THSD7B: variants seen among roughly 807,000 people sequenced by gnomAD.
The protein encoded by THSD7B is thrombospondin type 1 domain containing 7B.
In THSD7B, 138 loss-of-function variants were observed where a neutral mutation model predicts 213.6. That is an observed-to-expected ratio of 0.65 (90% CI 0.56 to 0.74). THSD7B has a LOEUF of 0.74. THSD7B is among the 30% of genes least tolerant of loss of function. THSD7B has a pLI of 0.00. For synonymous variants in THSD7B, 742 were observed against 687.0 expected (o/e 1.08, Z -1.25); for missense variants, 1,931 against 1,991.5 (o/e 0.97, Z 0.58).
At chr2:137,132,993 A>G (rs552917601) in intron 5 of THSD7B, among the ~76,000 whole-genome samples, 1 of 152,142 alleles carries the variant, frequency 6.6e-6, no homozygotes, top group Non-Finnish European at 1.5e-5. Context: ...CATTTTTCTC[A>G]TGGGTCATAT....
chr2:137,448,393 A>C (rs1189403960), intron 14 of THSD7B, among the ~76,000 whole-genome samples: 1 of 152,216 alleles, frequency 6.6e-6, no homozygotes. Context: ...TTGCACGAGC[A>C]AAGGCTCGTG....
At chr2:137,282,683 T>G (rs2104820401) in intron 12 of THSD7B, among the ~76,000 whole-genome samples, 1 of 152,330 alleles carries the variant, frequency 6.6e-6, no homozygotes, top group South Asian at 2.1e-4. Flanking sequence ...ATTGCTTGTT[T>G]TTGTCAGGTT....
At chr2:136,790,139 GTGTT>G (rs1279222831) in intron 1 of THSD7B, among the ~76,000 whole-genome samples, 4 of 151,438 alleles carry the variant, frequency 2.6e-5, no homozygotes, top group Admixed American at 6.6e-5. Context: ...GTGTGTGTGT[GTGTT>G]TGTGTGTGTG....
chr2:136,776,743 T>A (rs530083727), intron 1 of THSD7B, among the ~76,000 whole-genome samples: 51 of 152,256 alleles, frequency 3.3e-4, no homozygotes, highest in African/African-American at 1.1e-3. Flanking sequence ...TTCAAAATAG[T>A]ATGAAATAAT....
chr2:136,787,912 G>T (rs1440654089), intron 1 of THSD7B, among the ~76,000 whole-genome samples: 1 of 152,018 alleles, frequency 6.6e-6, no homozygotes, highest in Admixed American at 6.6e-5. Context: ...TTCCAACCTG[G>T]CTCTCAGATC....
intron 17 of THSD7B, among the ~76,000 whole-genome samples, chr2:137,599,091 A>T (rs1682025703): frequency 7.6e-6 from 1 of 131,534 alleles, no homozygotes; most frequent in Non-Finnish European, 1.6e-5. Context: ...TGTCCATGTG[A>T]TCTCATTGTT....
At chr2:136,771,957 T>A (rs912485894) in intron 1 of THSD7B, among the ~76,000 whole-genome samples, 2 of 152,200 alleles carry the variant, frequency 1.3e-5, no homozygotes, top group African/African-American at 2.4e-5. Context: ...TATGAATTGC[T>A]GCATACCTAG....
chr2:137,535,382 A>C (rs1392226155), intron 15 of THSD7B, among the ~76,000 whole-genome samples: 1 of 151,774 alleles, frequency 6.6e-6, no homozygotes, highest in Admixed American at 6.6e-5. Context: ...ATTTAATTTC[A>C]GGTAATGAAT....
intron 2 of THSD7B, among the ~76,000 whole-genome samples, chr2:136,949,667 C>T (rs957742107): frequency 8.5e-5 from 13 of 152,148 alleles, no homozygotes; most frequent in Admixed American, 2.0e-4. Flanking sequence ...ATGTTAGAAT[C>T]GCCAGTGAGA....
At chr2:137,005,434 T>C (rs796866655) in intron 2 of THSD7B, among the ~76,000 whole-genome samples, 7 of 152,350 alleles carry the variant, frequency 4.6e-5, no homozygotes, top group African/African-American at 1.7e-4. Context: ...CATCCTTTAC[T>C]TTGTTTGACT....
intron 3 of THSD7B, 131 bp from the exon 4 acceptor site, chr2:137,094,742 A>G: frequency 8.4e-7 from 1 of 1,189,112 alleles, no homozygotes; most frequent in South Asian, 1.5e-5. Context: ...TGTCTCTAAA[A>G]TTTTTTAAAA....
At chr2:137,410,849 A>G (rs1686637332) in intron 13 of THSD7B, among the ~76,000 whole-genome samples, 1 of 152,242 alleles carries the variant, frequency 6.6e-6, no homozygotes, top group Non-Finnish European at 1.5e-5. Flanking sequence ...TTAGTAATCC[A>G]GAGGAATTGT....
intron 1 of THSD7B, among the ~76,000 whole-genome samples, chr2:136,861,541 G>A (rs964132698): frequency 6.6e-6 from 1 of 152,164 alleles, no homozygotes; most frequent in Admixed American, 6.5e-5. Context: ...TGCCAGGACT[G>A]GGTGAAGACT....
At chr2:137,375,060 C>T (rs538176715) in intron 12 of THSD7B, among the ~76,000 whole-genome samples, 3 of 152,188 alleles carry the variant, frequency 2.0e-5, no homozygotes, top group Non-Finnish European at 4.4e-5. Context: ...TTTATCAGAT[C>T]TCATTACAGG....
intron 7 of THSD7B, among the ~76,000 whole-genome samples, chr2:137,209,776 C>T (rs966175812): frequency 6.6e-6 from 1 of 151,800 alleles, no homozygotes; most frequent in African/African-American, 2.4e-5. Context: ...ATTACAATAA[C>T]TTGGCATATG....
intron 16 of THSD7B, among the ~76,000 whole-genome samples, chr2:137,568,948 A>G (rs1558843127): frequency 6.6e-6 from 1 of 152,206 alleles, no homozygotes; most frequent in Non-Finnish European, 1.5e-5. Context: ...CTTTATGGAT[A>G]TGCTACCTTT....
At position 136,802,645 on chromosome 2, in the gene THSD7B, A is replaced by G. The variant is rs1425708312; in HGVS notation, c.-36+36958A>G. Among the ~76,000 whole-genome samples the G allele has an allele frequency of 2.3e-4, 16 of 70,978 alleles. No individual in the cohort carries two copies. The East Asian group carries it at 5.4e-3, about 24-fold the overall frequency. 46.6% of individuals were successfully genotyped at this position (70,978 alleles called of 152,430 possible). A position where few individuals can be genotyped will look rare whatever the true frequency, so the allele number is the denominator to read the frequency against. On this transcript the variant is annotated intron_variant, in intron 1 of 27. Coordinates refer to ENST00000409968, the MANE Select transcript of THSD7B (RefSeq NM_001316349.2). ...AATAATTTATGAATTAAGTTTATAT[A>G]TATATATATATATATATATATATAT...
chr2:137,567,420 C>T lies in THSD7B; in HGVS notation c.3272+4066C>T, dbSNP rs933621545. On this transcript the variant is annotated intron_variant, in intron 16 of 27. Transcript: ENST00000409968. ...GTCCTCAAGTGATCTGCCACCCTGCCTGGCCTCTTATTTACATTTGAAAAG... is the reference window on the plus strand; with the variant it reads ...GTCCTCAAGTGATCTGCCACCCTGCTTGGCCTCTTATTTACATTTGAAAAG... 4.6e-5 allele frequency among the ~76,000 whole-genome samples: 7 copies of T among 152,130 alleles called. No individual in the cohort carries two copies. The South Asian group carries it at 6.2e-4, about 13-fold the overall frequency.
chr2:137,047,689 G>C (rs1686995280), intron 2 of THSD7B, among the ~76,000 whole-genome samples: 1 of 152,164 alleles, frequency 6.6e-6, no homozygotes, highest in Non-Finnish European at 1.5e-5. Context: ...TTGTTGCTTT[G>C]AGGTAATCTC....
Sources: allele counts gnomAD v4.1 joint callset (sites outside exome capture counted in the v4.1 genomes callset), GRCh38; gene constraint gnomAD v4.1.1; transcripts MANE v1.5; gene names NCBI Gene and HGNC (gene_info 2026-07-23, HGNC 2026-07-21).